The following ROBO2 variants were observed in gnomAD, a reference collection of about 807,000 sequenced individuals.
The protein encoded by ROBO2 is roundabout guidance receptor 2.
ROBO2 carries 53 observed loss-of-function variants against 160.8 expected under a neutral mutation model. The ratio of observed to expected loss-of-function variants is 0.33; its 90% CI spans 0.26 to 0.41. The LOEUF (loss-of-function observed/expected upper bound fraction) is 0.41, where lower values mean the gene tolerates loss of function less well. ROBO2 is among the 10% of genes least tolerant of loss of function. ROBO2 has a pLI of 1.00. For missense variants in ROBO2, 1,577 were observed against 1,722.4 expected (o/e 0.92, Z 1.49); for synonymous variants, 664 against 611.7 (o/e 1.09, Z -1.26).
intron 2 of ROBO2, among the ~76,000 whole-genome samples, chr3:76,253,921 G>A (rs193169008): frequency 3.0e-3 from 456 of 151,740 alleles, no homozygotes; most frequent in African/African-American, 0.01. Flanking sequence ...ATGGAAAAGA[G>A]TCAACAAATT....
chr3:76,041,335 T>A (rs1306394872), intron 2 of ROBO2, among the ~76,000 whole-genome samples: 1 of 152,046 alleles, frequency 6.6e-6, no homozygotes, highest in Non-Finnish European at 1.5e-5. Context: ...GTATTTTTTC[T>A]GAGCTACTAA....
chr3:76,555,358 G>GAGAAGAAGAGGAAGAAGAAGAAGA (rs2083651423), intron 2 of ROBO2, among the ~76,000 whole-genome samples: 1 of 57,932 alleles, frequency 1.7e-5, no homozygotes. Context: ...AGTAGGAAGA[G>GAGAAGAAGAGGAAGAAGAAGAAGA]AGAAGAAGAA....
At chr3:77,109,750 G>T (rs2150167103) in intron 2 of ROBO2, among the ~76,000 whole-genome samples, 1 of 152,348 alleles carries the variant, frequency 6.6e-6, no homozygotes, top group African/African-American at 2.4e-5. Context: ...ACAGAAAGGA[G>T]AGCTGGGATT....
rs143353018 is a variant in ROBO2, at chr3:76,842,922, G to A, written c.110-255092G>A. Among the ~76,000 whole-genome samples, 692 of 151,684 alleles carry A rather than the reference G, an allele frequency of 4.6e-3. 2 individuals are homozygous for A. Among genetic ancestry groups the A allele is most frequent in the South Asian group, 9.6e-3 (46 of 4,798 alleles). The stretch of plus-strand genomic sequence containing the variant: ...ATTCAAGAAGCAGAGGCTCATGGCA[G>A]TTTTGATCACACAAGTAGTTATTTT... On this transcript the variant is annotated intron_variant, in intron 2 of 26. Coordinates refer to the ROBO2 transcript ENST00000487694.
rs151226683 is a variant in ROBO2 at position 77,537,697 on chromosome 3, T to A, written c.935-8641T>A. Reference sequence around the variant, plus strand: ...GACATACCCAAGGCTGGGTAATGTATAAGGAAAAGAGGTTTAATCGACTCA... The same window carrying A: ...GACATACCCAAGGCTGGGTAATGTAAAAGGAAAAGAGGTTTAATCGACTCA... On this transcript the variant is annotated intron_variant, in intron 6 of 25. Coordinates refer to ENST00000461745, the Ensembl canonical transcript of ROBO2. 2.0e-5 allele frequency among the ~76,000 whole-genome samples: 3 copies of A among 152,260 alleles called. No individual in the cohort carries two copies. The East Asian group carries it at 5.8e-4, about 29-fold the overall frequency.
intron 2 of ROBO2, among the ~76,000 whole-genome samples, chr3:77,190,791 A>G (rs573516684): frequency 9.9e-5 from 15 of 152,076 alleles, no homozygotes; most frequent in Non-Finnish European, 1.9e-4. Context: ...ATACAAAACC[A>G]TTATACTGAT....
intron 2 of ROBO2, among the ~76,000 whole-genome samples, chr3:76,388,277 C>CT (rs34539559): frequency 0.077 from 10,929 of 142,436 alleles, 406 homozygotes; most frequent in Non-Finnish European, 0.093. Flanking sequence ...CCATTTTTTT[C>CT]TTTTTTTTTT....
intron 2 of ROBO2, among the ~76,000 whole-genome samples, chr3:76,897,279 C>A (rs202222266): frequency 6.6e-6 from 1 of 150,686 alleles, no homozygotes; most frequent in African/African-American, 2.4e-5. Context: ...CTGCTTTCAC[C>A]AAAAAAAAAT....
At chr3:76,687,641 G>A (rs1392872470) in intron 2 of ROBO2, among the ~76,000 whole-genome samples, 1 of 151,910 alleles carries the variant, frequency 6.6e-6, no homozygotes, top group African/African-American at 2.4e-5. Flanking sequence ...TAATAAAACT[G>A]AGCCATTAAG....
At chr3:76,964,646 C>A (rs1042389025) in intron 2 of ROBO2, among the ~76,000 whole-genome samples, 2 of 152,140 alleles carry the variant, frequency 1.3e-5, no homozygotes, top group Admixed American at 6.6e-5. Flanking sequence ...AAGTTGTTAG[C>A]GAAGTAAAAT....
At chr3:77,500,727 T>C (rs2087468287) in intron 5 of ROBO2, among the ~76,000 whole-genome samples, 2 of 152,224 alleles carry the variant, frequency 1.3e-5, no homozygotes, top group Admixed American at 6.5e-5. Context: ...GTAGTTTTCC[T>C]GTGTTTTCAT....
In ROBO2 at chr3:77,338,082, C is replaced by A. The variant is rs141658832; in HGVS notation, c.389-139332C>A. ...TAAAACAAAGAAAATGTGGTTATTT[C>A]TTTCCAATTATAAAGCTAAGTTTTA... On this transcript the variant is annotated intron_variant, in intron 2 of 25. Coordinates refer to ENST00000461745, the Ensembl canonical transcript of ROBO2. Among the ~76,000 whole-genome samples the A allele has an allele frequency of 2.5e-3, 377 of 152,174 alleles. 4 individuals carry two copies. The highest frequency in any genetic ancestry group is 0.024 in the Middle Eastern group (7 of 294).
chr3:76,822,605 A>T (rs931022584), intron 2 of ROBO2, among the ~76,000 whole-genome samples: 3 of 151,894 alleles, frequency 2.0e-5, no homozygotes, highest in Non-Finnish European at 4.4e-5. Flanking sequence ...ACTTACAGAA[A>T]ATAATTGAAA....
At chr3:76,432,033 G>GTT (rs1253667130) in intron 2 of ROBO2, among the ~76,000 whole-genome samples, 2 of 152,138 alleles carry the variant, frequency 1.3e-5, no homozygotes, top group African/African-American at 4.8e-5. Flanking sequence ...AAGGGAATGA[G>GTT]TTGTGTGGCA....
intron 2 of ROBO2, among the ~76,000 whole-genome samples, chr3:77,354,918 C>T (rs915241815): frequency 7.2e-5 from 11 of 152,270 alleles, no homozygotes; most frequent in South Asian, 2.1e-4. Flanking sequence ...ATTTCAAACA[C>T]GCTAGAAATA....
chr3:77,567,413 C>T (rs1256632790), intron 12 of ROBO2, among the ~76,000 whole-genome samples: 4 of 151,938 alleles, frequency 2.6e-5, no homozygotes, highest in African/African-American at 4.8e-5. Flanking sequence ...TAGCTGCTTA[C>T]GATTTATCAT....
At chr3:77,325,745 ACTAT>A (rs1484635900) in intron 2 of ROBO2, among the ~76,000 whole-genome samples, 1 of 151,428 alleles carries the variant, frequency 6.6e-6, no homozygotes, top group African/African-American at 2.5e-5. Flanking sequence ...ATGAACTGTA[ACTAT>A]CTATTAGGCA....
intron 2 of ROBO2, among the ~76,000 whole-genome samples, chr3:76,520,068 C>G (rs1246606673): frequency 6.6e-6 from 1 of 152,090 alleles, no homozygotes; most frequent in African/African-American, 2.4e-5. Context: ...TCCACCGAAC[C>G]TGGGAGTGGC....
rs983984177 is a variant in ROBO2 at position 76,585,129 on chromosome 3, T to G, written c.110-512885T>G. The stretch of plus-strand genomic sequence containing the variant: ...TGTGCCAGGCGTGGTTCCAACCACA[T>G]GTAGCATCACTGGCCTTGCTGTCTT... On this transcript the variant is annotated intron_variant, in intron 2 of 26. Coordinates refer to the ROBO2 transcript ENST00000487694. 8.5e-5 allele frequency among the ~76,000 whole-genome samples: 13 copies of G among 152,324 alleles called. No homozygotes were observed. In the South Asian group the frequency reaches 1.7e-3, roughly 19 times the overall value.
Sources: gnomAD v4.1 joint callset for allele counts (sites outside exome capture counted in the v4.1 genomes callset) on GRCh38, gnomAD v4.1.1 for gene constraint, MANE v1.5 for transcripts, NCBI Gene and HGNC (gene_info 2026-07-23, HGNC 2026-07-21) for gene names.